The following CHD2 variants were observed in gnomAD, a reference collection of about 807,000 sequenced individuals.
CHD2 encodes the protein ATP-dependent chromatin remodeler CHD2.
In CHD2, 28 loss-of-function variants were observed where a neutral mutation model predicts 243.9. The ratio of observed to expected loss-of-function variants is 0.11; its 90% CI spans 0.09 to 0.16. The LOEUF (loss-of-function observed/expected upper bound fraction) is 0.16. Ranked by LOEUF, CHD2 falls within the 10% of genes least tolerant of loss-of-function variation. The pLI, the probability that CHD2 is intolerant of heterozygous loss-of-function variation, is 1.00. For synonymous variants in CHD2, 775 were observed against 779.0 expected (o/e 0.99, Z 0.09); for missense variants, 1,386 against 2,209.8 (o/e 0.63, Z 7.47).
At chr15:93,019,904 G>T in intron 37 of CHD2, 108 bp from the exon 38 acceptor site, 1 of 1,366,330 alleles carries the variant, frequency 7.3e-7, no homozygotes, top group Non-Finnish European at 9.9e-7. Context: ...CTGCACTCCA[G>T]CCTGGGCAAA....
rs913760646 is a variant in CHD2 at position 93,009,446 on chromosome 15, T to C, written c.4592+123T>C. 8 of 918,966 alleles carry C rather than the reference T, an allele frequency of 8.7e-6. No individual in the cohort carries two copies. The East Asian group carries it at 1.8e-4, about 21-fold the overall frequency. 56.9% of individuals were successfully genotyped at this position (918,966 alleles called of 1,614,324 possible). On this transcript the variant is annotated intron_variant, in intron 35 of 38. Coordinates refer to ENST00000394196, the MANE Select transcript of CHD2 (RefSeq NM_001271.4). ...TCTTTCTCCCAGCACAACTCATCTATTGGCAATATACCTGCAGGCTTTAAC... is the reference window on the plus strand; with the variant it reads ...TCTTTCTCCCAGCACAACTCATCTACTGGCAATATACCTGCAGGCTTTAAC...
intron 5 of CHD2, among the ~76,000 whole-genome samples, chr15:92,929,886 G>A (rs2053133765): frequency 6.6e-6 from 1 of 151,720 alleles, no homozygotes; most frequent in Non-Finnish European, 1.5e-5. Context: ...CCTAAGGCAA[G>A]TCATTTGAGA....
intron 35 of CHD2, among the ~76,000 whole-genome samples, chr15:93,010,798 T>C (rs1302469656): frequency 6.6e-6 from 1 of 152,242 alleles, no homozygotes; most frequent in Non-Finnish European, 1.5e-5. Flanking sequence ...GTTTTTATTT[T>C]ATTTTAGACT....
At chr15:92,999,246 T>G (rs1002552079) in intron 31 of CHD2, among the ~76,000 whole-genome samples, 5 of 152,230 alleles carry the variant, frequency 3.3e-5, no homozygotes, top group African/African-American at 9.7e-5. Flanking sequence ...TTTATCCTAC[T>G]TTCTCAATTT....
chr15:92,977,793 CAT>C (rs1268668849), intron 20 of CHD2, among the ~76,000 whole-genome samples: 1 of 152,212 alleles, frequency 6.6e-6, no homozygotes, highest in Non-Finnish European at 1.5e-5. Flanking sequence ...GCCTAACAAA[CAT>C]AAATATTTAT....
At chr15:93,017,492 ATTTTTTTTT>A (rs760713016) in intron 37 of CHD2, among the ~76,000 whole-genome samples, 6,488 of 97,012 alleles carry the variant, frequency 0.067, 126 homozygotes, top group Middle Eastern at 0.1. Context: ...TGCCGGGCTA[ATTTTTTTTT>A]TTTTTTTTTT....
Position 93,023,331 on chromosome 15 carries a change from C to G in CHD2, c.5154-1041C>G, listed in dbSNP as rs1354797510. On this transcript the variant is annotated intron_variant, in intron 38 of 38. Transcript: ENST00000394196. ...CACTTAGCATAATGTTTTCAAGGTTCATTCATCAGTACTCATTCCATCCTT... is the reference window on the plus strand; with the variant it reads ...CACTTAGCATAATGTTTTCAAGGTTGATTCATCAGTACTCATTCCATCCTT... Among the ~76,000 whole-genome samples, 5 of 152,322 alleles carry G rather than the reference C, an allele frequency of 3.3e-5. No individual in the cohort carries two copies. In the East Asian group the frequency reaches 9.6e-4, roughly 29 times the overall value.
At chr15:92,931,599 T>C (rs2053168067) in intron 5 of CHD2, among the ~76,000 whole-genome samples, 1 of 152,012 alleles carries the variant, frequency 6.6e-6, no homozygotes, top group African/African-American at 2.4e-5. Flanking sequence ...GTTCTCAAAC[T>C]CCTGGCCTCA....
In CHD2 at chr15:92,956,560, G is replaced by A. The variant is rs544605237; in HGVS notation, c.1911G>A (p.Lys637=). The A allele has an allele frequency of 1.9e-6, 3 of 1,613,986 alleles. No homozygotes were observed. The South Asian group carries it at 3.3e-5, about 18-fold the overall frequency. Reference sequence around the variant, plus strand: ...TGTATAAAACTCTGATTGATTTCAAGTCCAACCATAGGCTCCTGATTACGG... The same window carrying A: ...TGTATAAAACTCTGATTGATTTCAAATCCAACCATAGGCTCCTGATTACGG... ...SLLYKTLIDF[K]SNHRLLITGT... Residue 637 remains lysine (K), a synonymous_variant, in exon 16 of 39, where the codon AAG becomes AAA. Coordinates refer to ENST00000394196, the MANE Select transcript of CHD2 (RefSeq NM_001271.4).
intron 38 of CHD2, 37 bp from the exon 39 acceptor site, chr15:93,024,335 T>G (rs2054567988): frequency 6.4e-7 from 1 of 1,574,320 alleles, no homozygotes; most frequent in African/African-American, 1.3e-5. Flanking sequence ...GGAATCTGGC[T>G]TCAGTCTTTC....
At chr15:92,934,994 T>G (rs2053238547) in intron 5 of CHD2, among the ~76,000 whole-genome samples, 1 of 151,994 alleles carries the variant, frequency 6.6e-6, no homozygotes, top group African/African-American at 2.4e-5. Flanking sequence ...GAGGAGAACT[T>G]TGGACTAGTT....
intron 16 of CHD2, among the ~76,000 whole-genome samples, chr15:92,961,569 T>G (rs552032951): frequency 6.6e-6 from 1 of 152,102 alleles, no homozygotes; most frequent in South Asian, 2.1e-4. Flanking sequence ...CCAGCTAATT[T>G]TTAAAATTTA....
At chr15:93,009,533 C>T (rs530878248) in intron 35 of CHD2, among the ~76,000 whole-genome samples, 6 of 152,206 alleles carry the variant, frequency 3.9e-5, no homozygotes, top group Non-Finnish European at 8.8e-5. Context: ...AGGACGATGT[C>T]ATTAATTTAT....
intron 11 of CHD2, 31 bp downstream of exon 11, chr15:92,945,896 T>G: frequency 1.3e-6 from 2 of 1,537,310 alleles, no homozygotes; most frequent in Non-Finnish European, 1.8e-6. Context: ...ATAAATGTTC[T>G]TCAACATTTC....
Position 92,967,481 on chromosome 15 carries a change from G to A in CHD2, c.2157G>A (p.Val719=). ...CTAAAGTGGAACAGATTCTCAGGGTGGAGATGTCAGCCCTTCAGAAACAGT... is the reference window on the plus strand; with the variant it reads ...CTAAAGTGGAACAGATTCTCAGGGTAGAGATGTCAGCCCTTCAGAAACAGT... The part of the protein sequence containing the change: ...LPAKVEQILR[V]EMSALQKQYY... The change falls in exon 17 of 39, where the codon GTG becomes GTA. Residue 719 remains valine (V), a synonymous_variant. Coordinates refer to ENST00000394196, the MANE Select transcript of CHD2 (RefSeq NM_001271.4). 6.2e-7 allele frequency: 1 copy of A among 1,613,856 alleles called. No individual in the cohort carries two copies. The highest frequency in any genetic ancestry group is 8.5e-7 in the Non-Finnish European group (1 of 1,179,882).
chr15:92,993,747 A>G (rs2054151725), intron 28 of CHD2, among the ~76,000 whole-genome samples: 2 of 152,148 alleles, frequency 1.3e-5, no homozygotes, highest in Admixed American at 1.3e-4. Flanking sequence ...GTTCAAGTCC[A>G]GTCTGGGCAA....
chr15:92,952,815 G>C (rs2053570718), intron 13 of CHD2, among the ~76,000 whole-genome samples: 1 of 152,104 alleles, frequency 6.6e-6, no homozygotes, highest in African/African-American at 2.4e-5. Context: ...TCTAGGGTGG[G>C]GTCCACAAGT....
At chr15:92,929,150 T>C (rs1306499470) in intron 5 of CHD2, 59 bp downstream of exon 5, 3 of 1,494,714 alleles carry the variant, frequency 2.0e-6, no homozygotes, top group Non-Finnish European at 2.7e-6. Flanking sequence ...TCAGCATTTC[T>C]AGGACTGCCT....
intron 37 of CHD2, among the ~76,000 whole-genome samples, chr15:93,019,332 TTTG>T (rs2054502039): frequency 6.6e-6 from 1 of 152,154 alleles, no homozygotes; most frequent in African/African-American, 2.4e-5. Flanking sequence ...TTAGTTTGGT[TTTG>T]TTGTTAAGAG....
Sources: gnomAD v4.1 joint callset for allele counts (sites outside exome capture counted in the v4.1 genomes callset) on GRCh38, gnomAD v4.1.1 for gene constraint, MANE v1.5 for transcripts, NCBI Gene and HGNC (gene_info 2026-07-23, HGNC 2026-07-21) for gene names.